The following MAPRE3 variants were observed in gnomAD, a reference collection of about 807,000 sequenced individuals.
MAPRE3 encodes microtubule associated protein RP/EB family member 3.
Under a neutral mutation model 30.5 loss-of-function variants are expected in MAPRE3, and 2 were observed. That is an observed-to-expected ratio of 0.07 (90% CI 0.03 to 0.21). The LOEUF (loss-of-function observed/expected upper bound fraction) is 0.21, where lower values mean the gene tolerates loss of function less well. MAPRE3 is among the 10% of genes least tolerant of loss of function. MAPRE3 has a pLI of 1.00. For synonymous variants in MAPRE3, 110 were observed against 127.7 expected, an observed-to-expected ratio of 0.86 and a Z score of 0.93; for missense variants, 204 against 351.8, an observed-to-expected ratio of 0.58 and a Z score of 3.36.
At chr2:27,000,439 G>A (rs1048433599) in intron 1 of MAPRE3, among the ~76,000 whole-genome samples, 2 of 152,190 alleles carry the variant, frequency 1.3e-5, no homozygotes, top group African/African-American at 2.4e-5. Flanking sequence ...AGGGAGGAGG[G>A]AAGTGGAAAG....
chr2:26,980,166 C>T (rs2148197917), intron 1 of MAPRE3, among the ~76,000 whole-genome samples: 1 of 152,184 alleles, frequency 6.6e-6, no homozygotes, highest in East Asian at 1.9e-4. Flanking sequence ...AAGAGAGTTT[C>T]AGTGCTGCTG....
chr2:26,991,914 C>G (rs1666353235), intron 1 of MAPRE3, among the ~76,000 whole-genome samples: 1 of 152,158 alleles, frequency 6.6e-6, no homozygotes, highest in Admixed American at 6.5e-5. Flanking sequence ...TCATGCTAGA[C>G]TTTGCACCTT....
At chr2:27,001,815 T>C (rs899006203) in intron 1 of MAPRE3, among the ~76,000 whole-genome samples, 2 of 152,382 alleles carry the variant, frequency 1.3e-5, no homozygotes, top group Non-Finnish European at 2.9e-5. Context: ...AACATTGTGA[T>C]GCGGTGCGTG....
chr2:27,017,125 G>T (rs1014009299), intron 1 of MAPRE3, among the ~76,000 whole-genome samples: 19 of 152,186 alleles, frequency 1.2e-4, no homozygotes, highest in African/African-American at 4.3e-4. Context: ...TCCCCAATGT[G>T]ATGTTTGCTC....
chr2:27,026,385 C>T lies in MAPRE3; in HGVS notation c.*37C>T, dbSNP rs367680090. The stretch of plus-strand genomic sequence containing the variant: ...GCCCTGGCTGACTGCACAGCTTCCC[C>T]GTGCCTCCCTCCCTGCTCCACTCCC... On this transcript the variant is annotated 3_prime_UTR_variant, in exon 7 of 7. Coordinates refer to ENST00000233121, the MANE Select transcript of MAPRE3 (RefSeq NM_012326.4). 90 of 1,546,650 alleles carry T rather than the reference C, an allele frequency of 5.8e-5. No homozygotes were observed. Among genetic ancestry groups the T allele is most frequent in the Non-Finnish European group, 5.9e-5 (67 of 1,126,422 alleles).
intron 1 of MAPRE3, among the ~76,000 whole-genome samples, chr2:26,975,473 GC>G (rs1201842547): frequency 6.6e-6 from 1 of 152,182 alleles, no homozygotes; most frequent in Admixed American, 6.5e-5. Flanking sequence ...ACCAGGGCAA[GC>G]TGTTCAGGTG....
chr2:27,001,007 A>G (rs1209342992), intron 1 of MAPRE3, among the ~76,000 whole-genome samples: 1 of 152,264 alleles, frequency 6.6e-6, no homozygotes, highest in Non-Finnish European at 1.5e-5. Flanking sequence ...GATAAACCCA[A>G]ATATGAAAAT....
chr2:26,996,580 A>G (rs528209329), intron 1 of MAPRE3, among the ~76,000 whole-genome samples: 1 of 152,258 alleles, frequency 6.6e-6, no homozygotes, highest in South Asian at 2.1e-4. Context: ...AGGCGGGCAG[A>G]TCATGAGGTC....
rs370257698 is a variant in MAPRE3 at position 27,026,316 on chromosome 2, G to C, written c.814G>C (p.Glu272Gln). The C allele has an allele frequency of 5.6e-6, 9 of 1,613,936 alleles. No individual in the cohort carries two copies. The highest frequency in any genetic ancestry group is 7.6e-6 in the Non-Finnish European group (9 of 1,179,988). The change falls in exon 7 of 7, where the codon GAG (glutamate) becomes CAG (glutamine). Residue 272 changes from glutamate (E) to glutamine (Q), a missense_variant. By Grantham distance (29) the Glu-to-Gln change is conservative. Coordinates refer to ENST00000233121, the MANE Select transcript of MAPRE3 (RefSeq NM_012326.4). ...ACCCCCTGAGGACGATGAGATTGAA[G>C]AGCATCAACAAGAAGACCAGGACGA... ...FAPPEDDEIE[E>Q]HQQEDQDEY
intron 1 of MAPRE3, among the ~76,000 whole-genome samples, chr2:27,019,951 G>A (rs1429156098): frequency 6.6e-6 from 1 of 152,200 alleles, no homozygotes; most frequent in Non-Finnish European, 1.5e-5. Flanking sequence ...ACTCAAACAG[G>A]ACTGTGCCTG....
At chr2:26,997,480 T>A (rs192935987) in intron 1 of MAPRE3, among the ~76,000 whole-genome samples, 93 of 152,244 alleles carry the variant, frequency 6.1e-4, no homozygotes, top group African/African-American at 2.2e-3. Flanking sequence ...CTGAGTTAGA[T>A]CCTCATACAG....
Position 26,986,031 on chromosome 2 carries a change from C to A in MAPRE3, c.-8+15229C>A, listed in dbSNP as rs547336876. 1.4e-4 allele frequency among the ~76,000 whole-genome samples: 21 copies of A among 152,284 alleles called. No homozygotes were observed. Among genetic ancestry groups the A allele is most frequent in the African/African-American group, 5.1e-4 (21 of 41,570 alleles). On this transcript the variant is annotated intron_variant, in intron 1 of 6. Transcript: ENST00000233121. The surrounding 1 kb of genome is among the most constrained non-coding windows in gnomAD (Gnocchi z 4.2). ...AGCCACCCAGTTTGTGGTCATTTGT[C>A]ACAGTAGGCACAGGAAACTAATCCA... is the stretch of plus-strand genomic sequence containing the variant.
intron 1 of MAPRE3, among the ~76,000 whole-genome samples, chr2:26,975,469 G>C (rs1161980456): frequency 6.6e-6 from 1 of 152,142 alleles, no homozygotes; most frequent in Non-Finnish European, 1.5e-5. Flanking sequence ...AAGAACCAGG[G>C]CAAGCTGTTC....
chr2:27,021,383 G>A (rs1667108025), intron 1 of MAPRE3, among the ~76,000 whole-genome samples: 1 of 152,170 alleles, frequency 6.6e-6, no homozygotes. Flanking sequence ...TTCTAAGGTG[G>A]TGATTAATTG....
At chr2:27,000,940 A>AT (rs533764673) in intron 1 of MAPRE3, among the ~76,000 whole-genome samples, 1 of 152,196 alleles carries the variant, frequency 6.6e-6, no homozygotes, top group Non-Finnish European at 1.5e-5. Context: ...ATTTTTTAAT[A>AT]TTTTTTTCTC....
chr2:27,013,700 CAG>C (rs1467705371), intron 1 of MAPRE3: 1 of 152,258 alleles, frequency 6.6e-6, no homozygotes, highest in Non-Finnish European at 1.5e-5. Context: ...CCTGAGGCAG[CAG>C]AGAGTGGATA....
intron 1 of MAPRE3, among the ~76,000 whole-genome samples, chr2:26,974,842 A>G (rs916253384): frequency 5.3e-5 from 8 of 152,256 alleles, no homozygotes; most frequent in Non-Finnish European, 8.8e-5. Flanking sequence ...AAGAAATAGC[A>G]ATGATTATTT....
rs1361921589 is a variant in MAPRE3, at chr2:27,025,568, T to G, written c.470-15T>G. ...GGGCTCACGTGGACTTACCTGACTC[T>G]TTTCCTCTGGGCAGTTCCACAGAGG... On this transcript the variant is annotated splice_polypyrimidine_tract_variant and intron_variant, in intron 4 of 6. Coordinates refer to ENST00000233121, the MANE Select transcript of MAPRE3 (RefSeq NM_012326.4). 9 of 1,551,744 alleles carry G rather than the reference T, an allele frequency of 5.8e-6. No homozygotes were observed. The highest frequency in any genetic ancestry group is 7.8e-6 in the Non-Finnish European group (9 of 1,151,086).
intron 1 of MAPRE3, among the ~76,000 whole-genome samples, chr2:26,992,678 T>G (rs1666371648): frequency 6.6e-6 from 1 of 152,164 alleles, no homozygotes; most frequent in South Asian, 2.1e-4. Flanking sequence ...AGATACTGCC[T>G]CATCCCTGCC....
Sources: gnomAD v4.1 joint callset for allele counts (sites outside exome capture counted in the v4.1 genomes callset) on GRCh38, gnomAD v4.1.1 for gene constraint, Gnocchi (gnomAD v3.1) non-coding constraint, MANE v1.5 for transcripts, NCBI Gene and HGNC (gene_info 2026-07-23, HGNC 2026-07-21) for gene names.